Variants in LARP4 observed in about 807,000 individuals in gnomAD.
The protein encoded by LARP4 is La ribonucleoprotein 4, also known as la-related protein 4.
LARP4 carries 29 observed loss-of-function variants against 92.9 expected under a neutral mutation model. That is an observed-to-expected ratio of 0.31 (90% CI 0.23 to 0.43). LARP4 has a LOEUF of 0.43. Among genes scored for constraint, LARP4 ranks in the 20% least tolerant of loss-of-function variants. The pLI is 1.00. For missense variants in LARP4, 732 were observed against 860.0 expected (o/e 0.85, Z 1.86); for synonymous variants, 279 against 284.1 (o/e 0.98, Z 0.18).
At chr12:50,474,925 T>A (rs1957382722) in intron 15 of LARP4, among the ~76,000 whole-genome samples, 1 of 152,220 alleles carries the variant, frequency 6.6e-6, no homozygotes, top group Non-Finnish European at 1.5e-5. Flanking sequence ...ATCCCTAGCA[T>A]TTTAGTACAG....
At chr12:50,450,929 G>A (rs940953542) in intron 8 of LARP4, among the ~76,000 whole-genome samples, 2 of 152,090 alleles carry the variant, frequency 1.3e-5, no homozygotes, top group Non-Finnish European at 2.9e-5. Context: ...TGTACACGTT[G>A]TGTTCAACTG....
intron 12 of LARP4, among the ~76,000 whole-genome samples, chr12:50,466,018 A>G (rs1956104699): frequency 1.3e-5 from 2 of 152,226 alleles, no homozygotes; most frequent in Admixed American, 6.5e-5. Context: ...AAAACAAAAA[A>G]GGTATCACAG....
Position 50,413,998 on chromosome 12 carries a change from C to A in LARP4, c.18+12970C>A, listed in dbSNP as rs569907371. On this transcript the variant is annotated intron_variant, in intron 1 of 15. Transcript: ENST00000398473. ...TACATGTTTTTATATATCTCAGTTT[C>A]TTTTGAGTAAATCTGACAAGTAGAA... Among the ~76,000 whole-genome samples, 7 of 152,156 alleles carry A rather than the reference C, an allele frequency of 4.6e-5. No individual in the cohort carries two copies. In the South Asian group the frequency reaches 1.5e-3, roughly 32 times the overall value.
intron 6 of LARP4, among the ~76,000 whole-genome samples, chr12:50,439,737 CCTT>C (rs1490489605): frequency 1.3e-5 from 2 of 152,082 alleles, no homozygotes; most frequent in African/African-American, 2.4e-5. Context: ...TATTTTCTTT[CCTT>C]CTGTTACTTC....
At chr12:50,414,647 A>G (rs757786057) in intron 1 of LARP4, among the ~76,000 whole-genome samples, 5 of 152,212 alleles carry the variant, frequency 3.3e-5, no homozygotes, top group Non-Finnish European at 7.3e-5. Context: ...TTGTTAATAG[A>G]AATGATAATA....
At chr12:50,463,177 G>A (rs933342708) in intron 12 of LARP4, among the ~76,000 whole-genome samples, 5 of 150,636 alleles carry the variant, frequency 3.3e-5, no homozygotes, top group African/African-American at 1.2e-4. Context: ...ACCGTGGCTC[G>A]TGCCTGTCAT....
chr12:50,466,866 T>A lies in LARP4; in HGVS notation c.1384-93T>A, dbSNP rs149462435. On this transcript the variant is annotated intron_variant, in intron 12 of 15. Transcript: ENST00000398473. ...TGTGCATTATAGAGGTTTTGTTTGC[T>A]TCTTTTTCTTTTCTTGCACCTTTCA... 8.0e-6 allele frequency: 10 copies of A among 1,254,414 alleles called. No homozygotes were observed. The Admixed American group carries it at 2.1e-4, about 27-fold the overall frequency. The allele number at this position is 1,254,414 out of a possible 1,614,324, so 77.7% of individuals were successfully genotyped here.
chr12:50,432,931 G>A (rs1485700558), intron 4 of LARP4, among the ~76,000 whole-genome samples: 1 of 150,366 alleles, frequency 6.7e-6, no homozygotes. Flanking sequence ...ATTTTTGCTT[G>A]CACTGGGACT....
intron 9 of LARP4, among the ~76,000 whole-genome samples, 174 bp downstream of exon 9, chr12:50,453,846 T>C (rs1168105350): frequency 6.6e-6 from 1 of 152,106 alleles, no homozygotes; most frequent in Non-Finnish European, 1.5e-5. Flanking sequence ...TTGCCCAGGC[T>C]GGTCTCGAAC....
In LARP4 at chr12:50,447,981, C is replaced by T. The variant is rs769038449; in HGVS notation, c.805-5479C>T. Among the ~76,000 whole-genome samples the T allele has an allele frequency of 1.1e-3, 161 of 152,254 alleles. 1 individual carries two copies. The highest frequency in any genetic ancestry group is 2.1e-3 in the Non-Finnish European group (143 of 68,024). ...CTCCCAGGTTCAAGGAGTTCTCTGC[C>T]TCAGCCTCCCGAGTAGCTGGGATTA... is the stretch of plus-strand genomic sequence containing the variant. On this transcript the variant is annotated intron_variant, in intron 8 of 15. Transcript: ENST00000398473.
chr12:50,421,179 G>A (rs1321433418), intron 1 of LARP4: 1 of 413,094 alleles, frequency 2.4e-6, no homozygotes, highest in Non-Finnish European at 3.3e-6. Flanking sequence ...TCGAACTCCT[G>A]ACCTCATGAT....
intron 1 of LARP4, among the ~76,000 whole-genome samples, chr12:50,423,121 G>C (rs1948118572): frequency 6.6e-6 from 1 of 151,964 alleles, no homozygotes; most frequent in Non-Finnish European, 1.5e-5. Flanking sequence ...CGCCTGGCTG[G>C]AAAATTATTC....
chr12:50,401,330 A>C (rs1414506230), intron 1 of LARP4: 1 of 391,168 alleles, frequency 2.6e-6, no homozygotes, highest in African/African-American at 2.1e-5. Flanking sequence ...CTCCTAAAGG[A>C]GGCAGCATTG....
chr12:50,468,957 T>G (rs960598923), intron 13 of LARP4, among the ~76,000 whole-genome samples: 13 of 152,082 alleles, frequency 8.5e-5, no homozygotes, highest in African/African-American at 2.9e-4. Flanking sequence ...TTCCTGGGCC[T>G]TCTCTTTACC....
chr12:50,427,835 A>T lies in LARP4; in HGVS notation c.92A>T (p.Asp31Val). 1.2e-6 allele frequency: 2 copies of T among 1,603,978 alleles called. No homozygotes were observed. The highest frequency in any genetic ancestry group is 2.2e-5 in the East Asian group (1 of 44,820). ...VWQEIAPGNT[D>V]ATPVTHGTES... ...CAAGAAATTGCTCCTGGAAATACTG[A>T]TGCCACCCCAGTAACTCATGGAACT... Residue 31 changes from aspartate to valine, a missense_variant, in exon 2 of 16, where the codon GAT (aspartate) becomes GTT (valine). This residue lies in a region of LARP4 where 236 missense variants were observed against 307.6 expected (regional missense o/e 0.77). Coordinates refer to ENST00000398473, the MANE Select transcript of LARP4 (RefSeq NM_052879.5).
Position 50,418,967 on chromosome 12 carries a change from C to T in LARP4, c.19-8795C>T, listed in dbSNP as rs185580276. ...AACTTGTAGTTTCAAGCAGTCCTTC[C>T]GTCTTGGCCTCTGAAAGTGCTGGGA... On this transcript the variant is annotated intron_variant, in intron 1 of 15. Transcript: ENST00000398473. 1.1e-4 allele frequency among the ~76,000 whole-genome samples: 17 copies of T among 152,174 alleles called. No individual in the cohort carries two copies. In the South Asian group the frequency reaches 2.1e-3, roughly 19 times the overall value.
chr12:50,449,215 A>C (rs184990643), intron 8 of LARP4, among the ~76,000 whole-genome samples: 1 of 152,146 alleles, frequency 6.6e-6, no homozygotes, highest in East Asian at 1.9e-4. Context: ...TGCACCCCCA[A>C]CATTGGCGGC....
rs951119187 is a variant in LARP4 at position 50,423,877 on chromosome 12, G to A, written c.19-3885G>A. Among the ~76,000 whole-genome samples the A allele has an allele frequency of 7.3e-5, 11 of 150,770 alleles. No homozygotes were observed. The South Asian group carries it at 1.3e-3, about 17-fold the overall frequency. ...AGCGATTCTCCTGCCTCAGCCTCCC[G>A]AGTAGTAGCTGGGATTACAGGCGCC... On this transcript the variant is annotated intron_variant, in intron 1 of 15. Transcript: ENST00000398473.
intron 12 of LARP4, among the ~76,000 whole-genome samples, chr12:50,463,648 C>CCT (rs1955763725): frequency 6.6e-6 from 1 of 152,086 alleles, no homozygotes; most frequent in East Asian, 1.9e-4. Context: ...TACACTGATG[C>CCT]AAGGGTTGGG....
Sources: allele counts gnomAD v4.1 joint callset (sites outside exome capture counted in the v4.1 genomes callset), GRCh38; gene constraint gnomAD v4.1.1; regional missense constraint gnomAD v4.1.1; transcripts MANE v1.5; gene names NCBI Gene and HGNC (gene_info 2026-07-23, HGNC 2026-07-21).